Variants in ATIC observed in about 807,000 individuals in gnomAD.
The protein encoded by ATIC is 5-aminoimidazole-4-carboxamide ribonucleotide formyltransferase/IMP cyclohydrolase.
A neutral mutation model predicts 72.5 loss-of-function variants in ATIC; 64 were observed. The observed-to-expected ratio is 0.88, with a 90% CI of 0.72 to 1.09. The LOEUF is 1.09. ATIC is among the 50% of genes least tolerant of loss of function. The pLI is 0.00. For missense variants in ATIC, 787 were observed against 732.4 expected (o/e 1.07, Z -0.86); for synonymous variants, 281 against 267.1 (o/e 1.05, Z -0.51).
chr2:215,353,868 G>A (rs139604118), downstream of ATIC, among the ~76,000 whole-genome samples: 203 of 151,622 alleles, frequency 1.3e-3, 1 homozygote, highest in African/African-American at 4.7e-3. Context: ...GGCCAACTAA[G>A]GATATTTTTA....
At chr2:215,325,436 A>T in intron 5 of ATIC, 107 bp downstream of exon 5, 1 of 815,196 alleles carries the variant, frequency 1.2e-6, no homozygotes, top group Non-Finnish European at 2.0e-6. Flanking sequence ...GAAAATAGCT[A>T]CTTCTGGATT....
chr2:215,312,290 C>G, intron 1 of ATIC, 129 bp downstream of exon 1: 1 of 1,444,576 alleles, frequency 6.9e-7, no homozygotes, highest in Non-Finnish European at 9.1e-7. Flanking sequence ...AGCGTCCCCG[C>G]TCCCCGGCCG....
chr2:215,327,004 G>T (rs933923841), intron 7 of ATIC, 26 bp downstream of exon 7: 1 of 1,613,998 alleles, frequency 6.2e-7, no homozygotes, highest in African/African-American at 1.3e-5. Flanking sequence ...TCTGTGGCAT[G>T]GTTTGCTGTG....
intron 2 of ATIC, among the ~76,000 whole-genome samples, chr2:215,316,020 G>A (rs943641988): frequency 6.6e-6 from 1 of 151,802 alleles, no homozygotes; most frequent in African/African-American, 2.4e-5. Context: ...GTTGTTATCT[G>A]CAATAATTTT....
the ATIC span, among the ~76,000 whole-genome samples, chr2:215,360,030 C>T: frequency 1.3e-5 from 2 of 152,298 alleles, no homozygotes; most frequent in South Asian, 4.1e-4. Flanking sequence ...CCTCCGCCTT[C>T]TGGGTTCAAG....
the ATIC span, chr2:215,365,806 A>ATT: frequency 4.0e-6 from 1 of 251,190 alleles, no homozygotes; most frequent in Non-Finnish European, 7.1e-6. Context: ...TTTACTTTTT[A>ATT]TTTTTTTTTT....
Position 215,349,197 on chromosome 2 carries a change from T to C in ATIC, c.1607T>C (p.Ile536Thr). ...EWVEKLTEVSISSDAFFPFRD... is the reference protein window; with the variant it reads ...EWVEKLTEVSTSSDAFFPFRD... ...GTTGAGAAACTGACTGAAGTTTCTA[T>C]CAGCTCTGATGCCTTCTTCCCTTTC... The change falls in exon 15 of 16, where the codon ATC (isoleucine) becomes ACC (threonine). Residue 536 changes from isoleucine to threonine, a missense_variant. Ile to Thr is a moderately conservative substitution (Grantham distance 89). Coordinates refer to ENST00000236959, the MANE Select transcript of ATIC (RefSeq NM_004044.7). 6.2e-7 allele frequency: 1 copy of C among 1,614,222 alleles called. No homozygotes were observed.
chr2:215,335,101 T>C, intron 10 of ATIC, 97 bp downstream of exon 10: 2 of 609,218 alleles, frequency 3.3e-6, no homozygotes, highest in East Asian at 7.1e-5. Context: ...TTTATATTTA[T>C]AATATCTTTT....
chr2:215,358,495 G>T, the ATIC span, among the ~76,000 whole-genome samples: 1 of 152,122 alleles, frequency 6.6e-6, no homozygotes, highest in African/African-American at 2.4e-5. Flanking sequence ...AAACTGTTTA[G>T]CTGGGAGCTT....
the ATIC span, chr2:215,361,307 A>G: frequency 4.3e-6 from 2 of 466,618 alleles, no homozygotes; most frequent in Non-Finnish European, 3.9e-6. Flanking sequence ...CATTTAAAAT[A>G]CTGAGCGGTA....
chr2:215,359,963 G>C, the ATIC span, among the ~76,000 whole-genome samples: 1 of 151,730 alleles, frequency 6.6e-6, no homozygotes, highest in Non-Finnish European at 1.5e-5. Flanking sequence ...TTTTGGGATG[G>C]AGTCTTGCTC....
chr2:215,347,296 C>G (rs2053081795), intron 14 of ATIC: 2 of 383,540 alleles, frequency 5.2e-6, no homozygotes, highest in African/African-American at 4.2e-5. Context: ...ATGGTGCTTG[C>G]TGTCCGATGG....
At chr2:215,312,671 C>G in intron 2 of ATIC, 47 bp downstream of exon 2, 1 of 1,613,770 alleles carries the variant, frequency 6.2e-7, no homozygotes, top group East Asian at 2.2e-5. Flanking sequence ...TCACATTAAC[C>G]AGGAAGTATT....
At chr2:215,344,938 C>G (rs1034659971) in intron 13 of ATIC, 67 bp downstream of exon 13, 2 of 1,483,576 alleles carry the variant, frequency 1.3e-6, no homozygotes, top group African/African-American at 2.8e-5. Context: ...AAACATCCGT[C>G]TGCCTTAGAT....
chr2:215,349,557 G>T lies in ATIC; in HGVS notation c.1681G>T (p.Ala561Ser), dbSNP rs2053111660. 6.2e-7 allele frequency: 1 copy of T among 1,614,122 alleles called. No homozygotes were observed. The highest frequency in any genetic ancestry group is 1.1e-5 in the South Asian group (1 of 91,082). ...AKRSGVAYIA[A>S]PSGSAADKVV... is the part of the protein sequence containing the mutation. ...CCAGAGTGGTGTGGCGTACATTGCG[G>T]CTCCCTCCGGTTCTGCTGCTGACAA... is the stretch of plus-strand genomic sequence containing the variant. Residue 561 changes from alanine to serine, a missense_variant, in exon 16 of 16, where the codon GCT (alanine) becomes TCT (serine). Ala to Ser is a moderately conservative substitution (Grantham distance 99). Transcript: ENST00000236959.
In ATIC at chr2:215,349,197, T is replaced by G. The variant is rs1358021114; in HGVS notation, c.1607T>G (p.Ile536Ser). 1 of 1,614,222 alleles carries G rather than the reference T, an allele frequency of 6.2e-7. No homozygotes were observed. Among genetic ancestry groups the G allele is most frequent in the Admixed American group, 1.7e-5 (1 of 60,022 alleles). Residue 536 changes from isoleucine to serine, a missense_variant, in exon 15 of 16, where the codon ATC becomes AGC. Physicochemically the swap from Ile to Ser is moderately radical, Grantham distance 142 (BLOSUM62 -2). Transcript: ENST00000236959. ...EWVEKLTEVSISSDAFFPFRD... is the reference protein window; with the variant it reads ...EWVEKLTEVSSSSDAFFPFRD... ...GTTGAGAAACTGACTGAAGTTTCTA[T>G]CAGCTCTGATGCCTTCTTCCCTTTC...
At chr2:215,354,882 G>T in the ATIC span, among the ~76,000 whole-genome samples, 108 of 151,908 alleles carry the variant, frequency 7.1e-4, 1 homozygote, top group African/African-American at 2.6e-3. Flanking sequence ...AGCAGCGTGT[G>T]CTTGAGACAG....
chr2:215,342,712 C>T (rs1478538123), intron 12 of ATIC, among the ~76,000 whole-genome samples: 1 of 152,168 alleles, frequency 6.6e-6, no homozygotes, highest in African/African-American at 2.4e-5. Flanking sequence ...CAGGGTCCAA[C>T]TCTGTTGTCC....
chr2:215,361,593 A>C, the ATIC span: 1 of 1,612,868 alleles, frequency 6.2e-7, no homozygotes, highest in Non-Finnish European at 8.5e-7. Context: ...TGTACATCTA[A>C]AGGCATGAAG....
Sources: allele counts gnomAD v4.1 joint callset (sites outside exome capture counted in the v4.1 genomes callset), GRCh38; gene constraint gnomAD v4.1.1; transcripts MANE v1.5; gene names NCBI Gene and HGNC (gene_info 2026-07-23, HGNC 2026-07-21).